Variants in TACR3 observed in about 807,000 individuals in gnomAD.
TACR3 encodes neuromedin-K receptor.
In TACR3, 34 loss-of-function variants were observed where a neutral mutation model predicts 35.0. The ratio of observed to expected loss-of-function variants is 0.97; its 90% CI spans 0.74 to 1.30. TACR3 has a LOEUF of 1.30. TACR3 is among the 50% of genes most tolerant of loss of function. The pLI, the probability that TACR3 is intolerant of heterozygous loss-of-function variation, is 0.00. For missense variants in TACR3, 558 were observed against 591.7 expected (o/e 0.94, Z 0.59); for synonymous variants, 233 against 221.1 (o/e 1.05, Z -0.48).
intron 3 of TACR3, among the ~76,000 whole-genome samples, chr4:103,630,897 A>AC (rs1725042452): frequency 6.6e-6 from 1 of 152,328 alleles, no homozygotes; most frequent in Non-Finnish European, 1.5e-5. Context: ...TTATCGTGGC[A>AC]CTATTCACAA....
intron 3 of TACR3, among the ~76,000 whole-genome samples, chr4:103,629,084 C>G (rs529285418): frequency 6.6e-6 from 1 of 152,252 alleles, no homozygotes; most frequent in East Asian, 1.9e-4. Flanking sequence ...TGACAAAATT[C>G]AACAGCCCTT....
chr4:103,601,746 G>A (rs1021170712), intron 3 of TACR3, among the ~76,000 whole-genome samples: 1 of 152,204 alleles, frequency 6.6e-6, no homozygotes, highest in Non-Finnish European at 1.5e-5. Context: ...AGTTTCTGCT[G>A]AGAGATCAGG....
At chr4:103,718,788 T>C (rs905497519) in intron 1 of TACR3, among the ~76,000 whole-genome samples, 1 of 152,156 alleles carries the variant, frequency 6.6e-6, no homozygotes, top group African/African-American at 2.4e-5. Context: ...TGTTCAAAAG[T>C]CATTTGAGAA....
Position 103,591,132 on chromosome 4 carries a change from A to T in TACR3, c.1085+355T>A, listed in dbSNP as rs72943370. On this transcript the variant is annotated intron_variant, in intron 4 of 4. Coordinates refer to ENST00000304883, the MANE Select transcript of TACR3 (RefSeq NM_001059.3). ...ATTATTCAAGAATTTCTAGGAAGTAACTTCATTTCATTGAGGATTTGAGCA... is the reference window on the plus strand; with the variant it reads ...ATTATTCAAGAATTTCTAGGAAGTATCTTCATTTCATTGAGGATTTGAGCA... 9.8e-3 allele frequency: 2,772 copies of T among 281,958 alleles called. 63 individuals are homozygous for T. Among genetic ancestry groups the T allele is most frequent in the African/African-American group, 0.057 (2,566 of 45,080 alleles). The allele number at this position is 281,958 out of a possible 1,614,324, so 17.5% of individuals were successfully genotyped here.
chr4:103,701,326 G>C (rs1217358301), intron 1 of TACR3, among the ~76,000 whole-genome samples: 2 of 151,566 alleles, frequency 1.3e-5, no homozygotes, highest in Admixed American at 6.6e-5. Context: ...AAAATACCTA[G>C]GAATCCAACT....
intron 2 of TACR3, 85 bp from the exon 3 acceptor site, chr4:103,656,429 T>A (rs1725735877): frequency 1.5e-6 from 2 of 1,306,310 alleles, no homozygotes; most frequent in Non-Finnish European, 2.2e-6. Flanking sequence ...TAAATCATAA[T>A]TAAAACTACC....
At chr4:103,658,066 C>A in intron 2 of TACR3, 149 bp downstream of exon 2, 1 of 780,010 alleles carries the variant, frequency 1.3e-6, no homozygotes, top group South Asian at 1.7e-5. Flanking sequence ...CAAATCATAC[C>A]ATATTACAGT....
intron 3 of TACR3, among the ~76,000 whole-genome samples, chr4:103,634,290 A>T (rs150240280): frequency 1.3e-5 from 2 of 152,236 alleles, no homozygotes; most frequent in East Asian, 3.9e-4. Flanking sequence ...ACTTCAAATG[A>T]GATAAATGTA....
rs556692711 is a variant in TACR3 at position 103,599,532 on chromosome 4, C to T, written c.889-7849G>A. On this transcript the variant is annotated intron_variant, in intron 3 of 4. Coordinates refer to ENST00000304883, the MANE Select transcript of TACR3 (RefSeq NM_001059.3). ...GAGAGAGGGCATCCTTGTCTTGTGC[C>T]AGTTTTCAAAAGGAATGCTTCCAGT... 4.6e-5 allele frequency among the ~76,000 whole-genome samples: 7 copies of T among 152,100 alleles called. 1 individual carries two copies. The highest frequency in any genetic ancestry group is 2.0e-4 in the Admixed American group (3 of 15,272).
chr4:103,648,660 A>T (rs1490851903), intron 3 of TACR3, among the ~76,000 whole-genome samples: 1 of 152,094 alleles, frequency 6.6e-6, no homozygotes, highest in Non-Finnish European at 1.5e-5. Flanking sequence ...GTGTATATGT[A>T]CCACATTTGC....
intron 3 of TACR3, among the ~76,000 whole-genome samples, chr4:103,601,278 T>G (rs1041798507): frequency 6.6e-6 from 1 of 152,182 alleles, no homozygotes; most frequent in African/African-American, 2.4e-5. Context: ...AGCCTATGTG[T>G]GTCTCTGCAT....
chr4:103,689,530 TAACAAC>T (rs150003475), intron 1 of TACR3, among the ~76,000 whole-genome samples: 10 of 151,592 alleles, frequency 6.6e-5, no homozygotes, highest in African/African-American at 1.9e-4. Flanking sequence ...CTGAAAAGTA[TAACAAC>T]AACAACAACA....
intron 3 of TACR3, among the ~76,000 whole-genome samples, chr4:103,628,423 G>A (rs1724962897): frequency 6.6e-6 from 1 of 152,086 alleles, no homozygotes; most frequent in African/African-American, 2.4e-5. Flanking sequence ...AAGAAGAAAA[G>A]GGAGAGGAAT....
intron 3 of TACR3, among the ~76,000 whole-genome samples, chr4:103,596,793 C>G (rs1724035875): frequency 6.6e-6 from 1 of 151,778 alleles, no homozygotes; most frequent in Non-Finnish European, 1.5e-5. Context: ...GTGATGTTCC[C>G]CTTCCTGTGT....
At chr4:103,681,726 C>A (rs1339147217) in intron 1 of TACR3, among the ~76,000 whole-genome samples, 1 of 148,186 alleles carries the variant, frequency 6.7e-6, no homozygotes, top group Non-Finnish European at 1.5e-5. Flanking sequence ...TCAGTGAGAA[C>A]ATAGAAAAAC....
rs1560825017 is a variant in TACR3 at position 103,658,230 on chromosome 4, G to T, written c.722C>A (p.Pro241His). ...ATTAACTTACGTGAAATGTTGTTTG[G>T]GACCTTCTGGCCATTGCACAAAGCA... The part of the protein sequence containing the change: ...TLCFVQWPEG[P>H]KQHFTYHIIV... Residue 241 changes from proline to histidine, a missense_variant, in exon 2 of 5, where the codon CCC (proline) becomes CAC (histidine). Coordinates refer to ENST00000304883, the MANE Select transcript of TACR3 (RefSeq NM_001059.3). 6.2e-7 allele frequency: 1 copy of T among 1,613,834 alleles called. No homozygotes were observed. Among genetic ancestry groups the T allele is most frequent in the Non-Finnish European group, 8.5e-7 (1 of 1,179,876 alleles).
At chr4:103,605,476 C>T (rs1336680817) in intron 3 of TACR3, among the ~76,000 whole-genome samples, 5 of 130,748 alleles carry the variant, frequency 3.8e-5, no homozygotes, top group African/African-American at 1.3e-4. Flanking sequence ...TCTCCACATC[C>T]TCTCCAGCAC....
intron 3 of TACR3, among the ~76,000 whole-genome samples, chr4:103,623,042 C>CTAATGTATTTAAAATAA (rs1724818317): frequency 1.3e-5 from 2 of 152,098 alleles, no homozygotes; most frequent in Non-Finnish European, 1.5e-5. Context: ...GTATACCTAC[C>CTAATGTATTTAAAATAA]TAATGTATTT....
chr4:103,685,022 A>T (rs1342146408), intron 1 of TACR3, among the ~76,000 whole-genome samples: 1 of 146,564 alleles, frequency 6.8e-6, no homozygotes, highest in African/African-American at 2.6e-5. Flanking sequence ...TAAATAAATA[A>T]ATAAATAAAA....
Sources: allele counts gnomAD v4.1 joint callset (sites outside exome capture counted in the v4.1 genomes callset), GRCh38; gene constraint gnomAD v4.1.1; transcripts MANE v1.5; gene names NCBI Gene and HGNC (gene_info 2026-07-23, HGNC 2026-07-21).